Variants in PRKCH observed in about 807,000 individuals in gnomAD.
PRKCH encodes protein kinase C eta.
A neutral mutation model predicts 82.5 loss-of-function variants in PRKCH; 28 were observed. The ratio of observed to expected loss-of-function variants is 0.34; its 90% CI spans 0.25 to 0.47. The LOEUF (loss-of-function observed/expected upper bound fraction) is 0.47, where lower values mean the gene tolerates loss of function less well. Among genes scored for constraint, PRKCH ranks in the 20% least tolerant of loss-of-function variants. The probability of loss-of-function intolerance (pLI) is 1.00; values close to 1 mark genes in which losing one functional copy is unlikely to be tolerated. For missense variants in PRKCH, 705 were observed against 881.8 expected (o/e 0.80, Z 2.54); for synonymous variants, 322 against 327.4 (o/e 0.98, Z 0.18).
At chr14:61,238,896 T>C (rs1455581978) in intron 1 of PRKCH, among the ~76,000 whole-genome samples, 2 of 152,154 alleles carry the variant, frequency 1.3e-5, no homozygotes, top group Non-Finnish European at 2.9e-5. Context: ...GGGATCTCCA[T>C]TAAAGGAGCC....
chr14:61,390,071 A>G (rs368481836), intron 1 of PRKCH, among the ~76,000 whole-genome samples: 4 of 152,282 alleles, frequency 2.6e-5, no homozygotes, highest in African/African-American at 7.2e-5. Flanking sequence ...TTTAAGGACA[A>G]TTGTAAATTC....
At chr14:61,460,243 A>T (rs1471768160) in intron 9 of PRKCH, among the ~76,000 whole-genome samples, 1 of 151,910 alleles carries the variant, frequency 6.6e-6, no homozygotes, top group Non-Finnish European at 1.5e-5. Flanking sequence ...GCTGCATAGT[A>T]CTCCATTTTA....
chr14:61,519,717 C>T (rs2042877982), intron 10 of PRKCH, among the ~76,000 whole-genome samples: 1 of 152,264 alleles, frequency 6.6e-6, no homozygotes, highest in East Asian at 1.9e-4. Context: ...ATAGGGACCT[C>T]ATTTAATAAT....
chr14:61,337,408 CAATT>C (rs1211115149), intron 1 of PRKCH, among the ~76,000 whole-genome samples: 1 of 152,004 alleles, frequency 6.6e-6, no homozygotes, highest in Non-Finnish European at 1.5e-5. Context: ...TATGTGGACT[CAATT>C]AAACAAAAAA....
chr14:61,285,274 A>G (rs1333600144), intron 1 of PRKCH, among the ~76,000 whole-genome samples: 1 of 152,244 alleles, frequency 6.6e-6, no homozygotes, highest in Admixed American at 6.5e-5. Flanking sequence ...AAAATTTGCC[A>G]ACAAAACCAA....
chr14:61,507,424 C>T (rs887571145), intron 10 of PRKCH, among the ~76,000 whole-genome samples: 2 of 152,136 alleles, frequency 1.3e-5, no homozygotes, highest in Admixed American at 6.5e-5. Flanking sequence ...CCAGCAATCC[C>T]ATTCCTGGAT....
intron 9 of PRKCH, among the ~76,000 whole-genome samples, chr14:61,478,749 G>A (rs576187383): frequency 4.3e-4 from 65 of 152,068 alleles, no homozygotes; most frequent in Non-Finnish European, 6.9e-4. Context: ...GGTCCCAGCC[G>A]CACAGGAGGC....
At chr14:61,518,456 AAAAG>A (rs2042858137) in intron 10 of PRKCH, among the ~76,000 whole-genome samples, 1 of 152,126 alleles carries the variant, frequency 6.6e-6, no homozygotes, top group Non-Finnish European at 1.5e-5. Flanking sequence ...AAGAAAAAGA[AAAAG>A]AAAAAAAATT....
In PRKCH at chr14:61,266,849, C is replaced by T. The variant is rs539946918; in HGVS notation, c.-19+79181C>T. ...GATTCCCCGAGCTTTGCTGAAACGG[C>T]GCCTAGGGAGGGAGATGAGGTGATG... On this transcript the variant is annotated intron_variant, in intron 1 of 3. Coordinates refer to the PRKCH transcript ENST00000555185. Among the ~76,000 whole-genome samples, 8 of 152,110 alleles carry T rather than the reference C, an allele frequency of 5.3e-5. No individual in the cohort carries two copies. In the South Asian group the frequency reaches 1.2e-3, roughly 24 times the overall value.
intron 1 of PRKCH, among the ~76,000 whole-genome samples, chr14:61,290,435 G>A (rs554749557): frequency 2.0e-5 from 3 of 152,232 alleles, no homozygotes; most frequent in African/African-American, 7.2e-5. Context: ...TGTAACATCT[G>A]CCAGAGTGAG....
chr14:61,254,342 G>A (rs929686348), intron 1 of PRKCH, among the ~76,000 whole-genome samples: 1 of 152,156 alleles, frequency 6.6e-6, no homozygotes, highest in African/African-American at 2.4e-5. Flanking sequence ...ACCAGGCACG[G>A]TGGCTCATGC....
intron 9 of PRKCH, chr14:61,476,247 T>C (rs943355844): frequency 1.3e-5 from 2 of 152,210 alleles, no homozygotes; most frequent in African/African-American, 4.8e-5. Flanking sequence ...TCTTGAAGCA[T>C]TTATTAACCC....
intron 7 of PRKCH, among the ~76,000 whole-genome samples, chr14:61,455,642 A>G (rs1047857484): frequency 2.6e-5 from 4 of 152,224 alleles, no homozygotes; most frequent in Admixed American, 2.6e-4. Flanking sequence ...TACAATGGGA[A>G]TAAGATAAGA....
rs368641096 is a variant in PRKCH, at chr14:61,280,095, C to T, written c.-19+92427C>T. The T allele has an allele frequency of 2.2e-5, 36 of 1,606,948 alleles. No homozygotes were observed. The highest frequency in any genetic ancestry group is 2.9e-5 in the Non-Finnish European group (34 of 1,176,568). On this transcript the variant is annotated intron_variant, in intron 1 of 3. Coordinates refer to the PRKCH transcript ENST00000555185. This position sits in a 1 kb window ranked among gnomAD's most constrained non-coding sequence, Gnocchi z 5.0. ...AGGGATCCCTGGAAAGCCGGAATCACTCCTCGTCGTCGTCGTCCTGGTCCT... is the reference window on the plus strand; with the variant it reads ...AGGGATCCCTGGAAAGCCGGAATCATTCCTCGTCGTCGTCGTCCTGGTCCT...
At chr14:61,299,159 C>T (rs1006099935) in intron 1 of PRKCH, among the ~76,000 whole-genome samples, 1 of 151,996 alleles carries the variant, frequency 6.6e-6, no homozygotes, top group African/African-American at 2.4e-5. Context: ...GTATAGGTGC[C>T]GTAAGGGACA....
intron 1 of PRKCH, among the ~76,000 whole-genome samples, chr14:61,363,288 C>G (rs1440727183): frequency 6.6e-6 from 1 of 152,082 alleles, no homozygotes. Context: ...GTGTAAATGG[C>G]CAGATTTTCC....
intron 11 of PRKCH, 175 bp downstream of exon 11, chr14:61,529,388 C>T: frequency 4.8e-6 from 3 of 621,004 alleles, no homozygotes; most frequent in Non-Finnish European, 7.2e-6. Flanking sequence ...CTGAAAATGG[C>T]CTAAGTCCCT....
In PRKCH at chr14:61,441,737, T is replaced by TTC. The variant is rs529607018; in HGVS notation, c.428-1373_428-1372insCT. Among the ~76,000 whole-genome samples, 336 of 151,952 alleles carry TTC rather than the reference T, an allele frequency of 2.2e-3. 3 individuals are homozygous for TTC. Among genetic ancestry groups the TTC allele is most frequent in the African/African-American group, 7.6e-3 (317 of 41,488 alleles). On this transcript the variant is annotated intron_variant, in intron 2 of 13. Coordinates refer to ENST00000332981, the MANE Select transcript of PRKCH (RefSeq NM_006255.5). ...AATTTTCTGCTTTGTATTTTTTTTTTTTTTTTTGCCAAATAGAACTTTAAA... is the reference window on the plus strand; with the variant it reads ...AATTTTCTGCTTTGTATTTTTTTTTTTCTTTTTTTGCCAAATAGAACTTTAAA...
chr14:61,367,360 A>ATGTGTG (rs35762429), intron 1 of PRKCH, among the ~76,000 whole-genome samples: 9,852 of 144,914 alleles, frequency 0.068, 391 homozygotes, highest in Middle Eastern at 0.1. Flanking sequence ...GTGTGTGTGT[A>ATGTGTG]TGTGTGTGTG....
Sources: allele counts gnomAD v4.1 joint callset (sites outside exome capture counted in the v4.1 genomes callset), GRCh38; gene constraint gnomAD v4.1.1; non-coding constraint Gnocchi (gnomAD v3.1); transcripts MANE v1.5; gene names NCBI Gene and HGNC (gene_info 2026-07-23, HGNC 2026-07-21).